TJAP1: variants seen among roughly 807,000 people sequenced by gnomAD.
The protein encoded by TJAP1 is tight junction-associated protein 1.
Under a neutral mutation model 42.0 loss-of-function variants are expected in TJAP1, and 27 were observed. The ratio of observed to expected loss-of-function variants is 0.64; its 90% CI spans 0.47 to 0.89. The LOEUF is 0.89. TJAP1 is among the 40% of genes least tolerant of loss of function. The probability of loss-of-function intolerance (pLI) is 0.00; values close to 1 mark genes in which losing one functional copy is unlikely to be tolerated. For missense variants in TJAP1, 712 were observed against 726.9 expected (o/e 0.98, Z 0.24); for synonymous variants, 257 against 288.4 (o/e 0.89, Z 1.10).
chr6:43,499,144 C>T (rs778178702), intron 4 of TJAP1, 44 bp downstream of exon 4: 3 of 1,607,972 alleles, frequency 1.9e-6, no homozygotes, highest in Non-Finnish European at 2.5e-6. Flanking sequence ...GAGGCAAGGC[C>T]CCTGAGGCTG....
intron 8 of TJAP1, chr6:43,503,141 G>C: frequency 1.9e-6 from 1 of 529,304 alleles, no homozygotes; most frequent in Non-Finnish European, 3.4e-6. Context: ...GAACCTCAGG[G>C]GATGGACAGC....
chr6:43,499,798 G>A (rs1320268250), intron 4 of TJAP1, among the ~76,000 whole-genome samples: 1 of 152,220 alleles, frequency 6.6e-6, no homozygotes, highest in Non-Finnish European at 1.5e-5. Flanking sequence ...TGAGCATCAG[G>A]CATACTGTAG....
At chr6:43,482,027 T>C (rs1430966645) in intron 2 of TJAP1, among the ~76,000 whole-genome samples, 1 of 152,196 alleles carries the variant, frequency 6.6e-6, no homozygotes, top group South Asian at 2.1e-4. Context: ...CACATGTGAT[T>C]TTGAGAAGCA....
intron 2 of TJAP1, among the ~76,000 whole-genome samples, chr6:43,490,208 G>A (rs992530300): frequency 1.3e-5 from 2 of 152,184 alleles, no homozygotes; most frequent in African/African-American, 4.8e-5. Flanking sequence ...CTGTGGGTGG[G>A]GATGTGCCCC....
At chr6:43,499,154 G>T in intron 4 of TJAP1, 54 bp downstream of exon 4, 1 of 1,602,834 alleles carries the variant, frequency 6.2e-7, no homozygotes. Context: ...CCCTGAGGCT[G>T]GGTGTCTGGC....
intron 2 of TJAP1, among the ~76,000 whole-genome samples, chr6:43,487,757 T>G (rs1317489719): frequency 6.6e-6 from 1 of 152,108 alleles, no homozygotes; most frequent in African/African-American, 2.4e-5. Context: ...CAGAAAAGTA[T>G]ACAAAATAAA....
chr6:43,496,273 C>G (rs1196008042), intron 2 of TJAP1, among the ~76,000 whole-genome samples: 1 of 152,186 alleles, frequency 6.6e-6, no homozygotes, highest in Admixed American at 6.5e-5. Flanking sequence ...GTATCAGAAT[C>G]CACATACCCA....
At chr6:43,489,115 G>T (rs370343137) in intron 2 of TJAP1, among the ~76,000 whole-genome samples, 1 of 152,130 alleles carries the variant, frequency 6.6e-6, no homozygotes, top group East Asian at 1.9e-4. Context: ...CTGTCCTCCC[G>T]CCCCAGGGGA....
At chr6:43,483,936 G>C (rs1229834928) in intron 2 of TJAP1, among the ~76,000 whole-genome samples, 1 of 152,104 alleles carries the variant, frequency 6.6e-6, no homozygotes, top group Non-Finnish European at 1.5e-5. Flanking sequence ...ATGGTGGCTT[G>C]TGCCTGTGGT....
At chr6:43,506,037 CT>C in exon 11 of TJAP1, 2 of 488,822 alleles carry the variant, frequency 4.1e-6, no homozygotes, top group Non-Finnish European at 6.7e-6. Flanking sequence ...CGTTGACTGA[CT>C]GCAGCAGCTT....
chr6:43,479,973 A>G (rs536231425), intron 2 of TJAP1, among the ~76,000 whole-genome samples: 1 of 152,108 alleles, frequency 6.6e-6, no homozygotes, highest in Admixed American at 6.5e-5. Context: ...CATCCATCTC[A>G]AGAAAAAAAG....
At chr6:43,499,529 C>T (rs1157205861) in intron 4 of TJAP1, among the ~76,000 whole-genome samples, 1 of 152,224 alleles carries the variant, frequency 6.6e-6, no homozygotes, top group Non-Finnish European at 1.5e-5. Context: ...TTCATTGTCC[C>T]CAGGAAGTCC....
chr6:43,485,035 C>G (rs543742962), intron 2 of TJAP1, among the ~76,000 whole-genome samples: 1 of 152,298 alleles, frequency 6.6e-6, no homozygotes, highest in East Asian at 1.9e-4. Context: ...GCCTCCCCAT[C>G]TCTTGTTTTG....
chr6:43,501,180 G>T, intron 5 of TJAP1: 1 of 376,446 alleles, frequency 2.7e-6, no homozygotes, highest in Non-Finnish European at 4.8e-6. Context: ...GGAAACTGGA[G>T]CTGGGGGCTT....
At chr6:43,489,771 TCCGGATGGGAGAA>T (rs2127530848) in intron 2 of TJAP1, 1 of 152,364 alleles carries the variant, frequency 6.6e-6, no homozygotes, top group South Asian at 2.1e-4. Flanking sequence ...TGGCATGGTT[TCCGGATGGGAGAA>T]AGCCCCTGAG....
chr6:43,498,894 C>T lies in TJAP1; in HGVS notation c.-24-84C>T, dbSNP rs1789860656. The stretch of plus-strand genomic sequence containing the variant: ...CCTATGTGGTGGCCTCAACATATGT[C>T]CCCTTTCACCATCTTTGTTTTTTCT... On this transcript the variant is annotated intron_variant, in intron 3 of 10. Transcript: ENST00000372449. The T allele has an allele frequency of 3.5e-6, 5 of 1,443,378 alleles. No individual in the cohort carries two copies. In the African/African-American group the frequency reaches 4.2e-5, roughly 12 times the overall value. 89.4% of individuals were successfully genotyped at this position (1,443,378 alleles called of 1,614,324 possible).
intron 8 of TJAP1, chr6:43,503,014 C>T: frequency 2.2e-6 from 1 of 450,492 alleles, no homozygotes; most frequent in South Asian, 2.3e-5. Flanking sequence ...CCTGCTTCCT[C>T]TTCCCTCTCC....
intron 6 of TJAP1, among the ~76,000 whole-genome samples, chr6:43,501,915 A>G (rs890670244): frequency 7.8e-5 from 10 of 128,484 alleles, no homozygotes; most frequent in Non-Finnish European, 1.5e-4. Flanking sequence ...ACACACACAC[A>G]CACACACACA....
intron 2 of TJAP1, among the ~76,000 whole-genome samples, chr6:43,487,082 T>G (rs1166779284): frequency 1.3e-5 from 2 of 152,192 alleles, no homozygotes; most frequent in African/African-American, 4.8e-5. Flanking sequence ...CTAAGTCTCC[T>G]TGACTGGTCC....
Sources: gnomAD v4.1 joint callset for allele counts (sites outside exome capture counted in the v4.1 genomes callset) on GRCh38, gnomAD v4.1.1 for gene constraint, MANE v1.5 for transcripts, NCBI Gene and HGNC (gene_info 2026-07-23, HGNC 2026-07-21) for gene names.